Variants in DCLK1 observed in about 807,000 individuals in gnomAD.
The protein encoded by DCLK1 is doublecortin like kinase 1.
A neutral mutation model predicts 86.2 loss-of-function variants in DCLK1; 16 were observed. The ratio of observed to expected loss-of-function variants is 0.19; its 90% CI spans 0.13 to 0.28. DCLK1 has a LOEUF of 0.28. Ranked by LOEUF, DCLK1 falls within the 10% of genes least tolerant of loss-of-function variation. DCLK1 has a pLI of 1.00. For missense variants in DCLK1, 590 were observed against 940.2 expected, an observed-to-expected ratio of 0.63 and a Z score of 4.87; for synonymous variants, 369 against 370.5, an observed-to-expected ratio of 1.00 and a Z score of 0.05.
intron 3 of DCLK1, among the ~76,000 whole-genome samples, chr13:36,107,377 T>C (rs988101347): frequency 2.2e-5 from 3 of 137,672 alleles, no homozygotes; most frequent in East Asian, 2.2e-4. Flanking sequence ...GGGGTCTCAC[T>C]CTGTCGCCCA....
intron 4 of DCLK1, among the ~76,000 whole-genome samples, chr13:35,909,003 A>C (rs955944158): frequency 1.3e-5 from 2 of 152,244 alleles, no homozygotes; most frequent in African/African-American, 4.8e-5. Context: ...GTATCTCTAC[A>C]AAGCAAGAAG....
At chr13:35,880,745 C>T (rs1274029733) in intron 4 of DCLK1, among the ~76,000 whole-genome samples, 1 of 152,156 alleles carries the variant, frequency 6.6e-6, no homozygotes, top group African/African-American at 2.4e-5. Context: ...CCATGGGTTC[C>T]CAGCTGGGCT....
chr13:36,070,084 C>T (rs554512534), intron 3 of DCLK1, among the ~76,000 whole-genome samples: 36 of 152,154 alleles, frequency 2.4e-4, no homozygotes, highest in African/African-American at 7.0e-4. Flanking sequence ...CTTAAGTCTC[C>T]AAGGAAGCTC....
Position 36,076,734 on chromosome 13 carries a change from G to A in DCLK1, c.723+35135C>T, listed in dbSNP as rs114975691. Among the ~76,000 whole-genome samples the A allele has an allele frequency of 6.0e-3, 907 of 152,270 alleles. 8 individuals are homozygous for A. Among genetic ancestry groups the A allele is most frequent in the African/African-American group, 0.021 (854 of 41,560 alleles). On this transcript the variant is annotated intron_variant, in intron 3 of 16. Transcript: ENST00000360631. ...AAGTTCCGATTGCACCCGCCACCTA[G>A]TACTGATGTGGGTAATATCTACCCA... is the stretch of plus-strand genomic sequence containing the variant.
At chr13:35,821,997 C>T (rs1566550548) in intron 11 of DCLK1, among the ~76,000 whole-genome samples, 2 of 151,822 alleles carry the variant, frequency 1.3e-5, no homozygotes, top group Non-Finnish European at 2.9e-5. Context: ...TGCTAAGGGG[C>T]TAGAGTCTTA....
At chr13:36,073,793 A>T (rs970755590) in intron 3 of DCLK1, among the ~76,000 whole-genome samples, 5 of 152,190 alleles carry the variant, frequency 3.3e-5, no homozygotes, top group Admixed American at 6.5e-5. Flanking sequence ...AGATTTGCAC[A>T]TCATTGACCT....
intron 3 of DCLK1, among the ~76,000 whole-genome samples, chr13:36,102,189 C>CTTT (rs60965913): frequency 7.2e-6 from 1 of 138,434 alleles, no homozygotes; most frequent in Non-Finnish European, 1.6e-5. Flanking sequence ...CTAGTCTAAT[C>CTTT]TTTTTTTTTT....
chr13:35,787,058 A>T (rs1467966720), intron 16 of DCLK1, among the ~76,000 whole-genome samples: 1 of 151,080 alleles, frequency 6.6e-6, no homozygotes, highest in African/African-American at 2.4e-5. Context: ...CAGGAGTAAC[A>T]ATTGGGGCTA....
intron 3 of DCLK1, among the ~76,000 whole-genome samples, chr13:35,982,343 T>C (rs868830583): frequency 1.3e-5 from 2 of 151,104 alleles, no homozygotes; most frequent in Non-Finnish European, 1.5e-5. Context: ...TTCACACCAC[T>C]GTACTCCAGC....
intron 3 of DCLK1, among the ~76,000 whole-genome samples, chr13:36,041,996 C>T (rs575416020): frequency 3.6e-4 from 55 of 152,284 alleles, no homozygotes; most frequent in Non-Finnish European, 6.8e-4. Context: ...ATTCCCTTGG[C>T]TACTCTGTTC....
chr13:35,926,166 C>T (rs1402102547), intron 4 of DCLK1, among the ~76,000 whole-genome samples: 1 of 151,768 alleles, frequency 6.6e-6, no homozygotes, highest in African/African-American at 2.4e-5. Flanking sequence ...TCAAGCGATT[C>T]TCCTGCCTCA....
At chr13:35,949,070 C>T (rs574478312) in intron 3 of DCLK1, among the ~76,000 whole-genome samples, 28 of 152,242 alleles carry the variant, frequency 1.8e-4, no homozygotes, top group African/African-American at 5.5e-4. Flanking sequence ...ATGCCTACCA[C>T]GCTCCAATCA....
At chr13:35,964,699 G>C (rs1214480894) in intron 3 of DCLK1, among the ~76,000 whole-genome samples, 1 of 151,558 alleles carries the variant, frequency 6.6e-6, no homozygotes, top group African/African-American at 2.4e-5. Context: ...ACTTCCACGG[G>C]TTCCGTAAAT....
intron 3 of DCLK1, among the ~76,000 whole-genome samples, chr13:36,078,000 T>C (rs951335989): frequency 6.6e-6 from 1 of 152,220 alleles, no homozygotes; most frequent in African/African-American, 2.4e-5. Flanking sequence ...TCTGTGTCTT[T>C]CCAAAATTTG....
intron 3 of DCLK1, among the ~76,000 whole-genome samples, chr13:36,045,354 A>ATG (rs1566658697): frequency 7.8e-6 from 1 of 128,226 alleles, no homozygotes; most frequent in East Asian, 2.4e-4. Flanking sequence ...ATATATATAT[A>ATG]TATATATATA....
At chr13:35,869,542 C>G (rs1376378640) in intron 5 of DCLK1, among the ~76,000 whole-genome samples, 2 of 152,222 alleles carry the variant, frequency 1.3e-5, no homozygotes, top group Non-Finnish European at 2.9e-5. Flanking sequence ...AGGAAGTCAT[C>G]TCTGTCATGC....
At position 36,027,138 on chromosome 13, in the gene DCLK1, G is replaced by T. The variant is rs560623064; in HGVS notation, c.724-79681C>A. Among the ~76,000 whole-genome samples, 3 of 152,212 alleles carry T rather than the reference G, an allele frequency of 2.0e-5. No homozygotes were observed. In the South Asian group the frequency reaches 6.2e-4, roughly 32 times the overall value. ...ATAGCCAGCAGTCCCCAACCTTTTT[G>T]GAACCGGGGACCAGTTTTGGGAAAG... On this transcript the variant is annotated intron_variant, in intron 3 of 16. Coordinates refer to ENST00000360631, the MANE Select transcript of DCLK1 (RefSeq NM_001330071.2).
At chr13:35,906,438 TGAG>T (rs1350465191) in intron 4 of DCLK1, among the ~76,000 whole-genome samples, 1 of 152,140 alleles carries the variant, frequency 6.6e-6, no homozygotes, top group Non-Finnish European at 1.5e-5. Context: ...ATGAGATTTC[TGAG>T]GAGAGAATGG....
chr13:36,073,720 G>T (rs1457758805), intron 3 of DCLK1, among the ~76,000 whole-genome samples: 1 of 152,126 alleles, frequency 6.6e-6, no homozygotes, highest in Non-Finnish European at 1.5e-5. Flanking sequence ...CTATGGAAAT[G>T]GAGCTTGCAC....
Sources: gnomAD v4.1 joint callset for allele counts (sites outside exome capture counted in the v4.1 genomes callset) on GRCh38, gnomAD v4.1.1 for gene constraint, MANE v1.5 for transcripts, NCBI Gene and HGNC (gene_info 2026-07-23, HGNC 2026-07-21) for gene names.